XPO5: variants seen among roughly 807,000 people sequenced by gnomAD.
XPO5 encodes the protein exportin-5.
XPO5 carries 46 observed loss-of-function variants against 160.6 expected under a neutral mutation model. The ratio of observed to expected loss-of-function variants is 0.29; its 90% CI spans 0.23 to 0.37. The LOEUF (loss-of-function observed/expected upper bound fraction) is 0.37, where lower values mean the gene tolerates loss of function less well. XPO5 is among the 10% of genes least tolerant of loss of function. The pLI is 1.00. For synonymous variants in XPO5, 537 were observed against 519.3 expected, an observed-to-expected ratio of 1.03 and a Z score of -0.46; for missense variants, 1,090 against 1,463.9, an observed-to-expected ratio of 0.74 and a Z score of 4.17.
At chr6:43,545,018 ATG>A (rs1794896296) in intron 20 of XPO5, among the ~76,000 whole-genome samples, 1 of 152,038 alleles carries the variant, frequency 6.6e-6, no homozygotes, top group Non-Finnish European at 1.5e-5. Flanking sequence ...GATTACAGGC[ATG>A]TGCCACCATG....
chr6:43,524,792 A>G (rs1257259586), intron 30 of XPO5, 39 bp downstream of exon 30: 4 of 1,588,474 alleles, frequency 2.5e-6, no homozygotes, highest in Non-Finnish European at 3.4e-6. Context: ...CTGAGTGATG[A>G]AGCTGCAGCC....
intron 24 of XPO5, 103 bp from the exon 25 acceptor site, chr6:43,528,308 A>T (rs1222045860): frequency 8.2e-7 from 1 of 1,215,308 alleles, no homozygotes; most frequent in African/African-American, 1.5e-5. Context: ...GCCAAGGATG[A>T]TTCTAGGCAT....
At chr6:43,526,770 C>T (rs1282077748) in intron 26 of XPO5, 23 bp from the exon 27 acceptor site, 2 of 1,611,584 alleles carry the variant, frequency 1.2e-6, no homozygotes, top group Non-Finnish European at 1.7e-6. Context: ...AGCAGGGTTA[C>T]TAGGTGAAGG....
intron 20 of XPO5, among the ~76,000 whole-genome samples, chr6:43,543,807 G>C (rs1353218813): frequency 1.3e-5 from 2 of 151,942 alleles, no homozygotes; most frequent in African/African-American, 2.4e-5. Flanking sequence ...CTCCCGAGTA[G>C]CTGGGATTAC....
Position 43,575,870 on chromosome 6 carries a change from G to C in XPO5, c.-6C>G. 1 of 1,613,358 alleles carries C rather than the reference G, an allele frequency of 6.2e-7. No individual in the cohort carries two copies. Among genetic ancestry groups the C allele is most frequent in the East Asian group, 2.2e-5 (1 of 44,834 alleles). ...TTTACTTGATCCATCGCCATGCCTA[G>C]CGCCACGCGCCGAGAGCGCACACCA... On this transcript the variant is annotated 5_prime_UTR_variant, in exon 1 of 32. Transcript: ENST00000265351.
At chr6:43,548,617 G>C in intron 17 of XPO5, 157 bp from the exon 18 acceptor site, 1 of 605,230 alleles carries the variant, frequency 1.7e-6, no homozygotes, top group Non-Finnish European at 2.5e-6. Flanking sequence ...TCTTTATTTT[G>C]CCTAAATAAG....
intron 26 of XPO5, 111 bp downstream of exon 26, chr6:43,527,523 C>T (rs928680283): frequency 3.4e-5 from 37 of 1,072,680 alleles, no homozygotes; most frequent in East Asian, 1.5e-4. Flanking sequence ...CCACCATGCC[C>T]GCCGCAAACA....
At chr6:43,540,223 C>T (rs958569882) in intron 20 of XPO5, among the ~76,000 whole-genome samples, 5 of 152,166 alleles carry the variant, frequency 3.3e-5, no homozygotes, top group African/African-American at 1.2e-4. Context: ...AACCCTGTCT[C>T]TACTGAAGAT....
intron 1 of XPO5, among the ~76,000 whole-genome samples, chr6:43,575,504 G>A (rs2127761141): frequency 6.6e-6 from 1 of 152,312 alleles, no homozygotes; most frequent in South Asian, 2.1e-4. Context: ...GGGAGGAGAG[G>A]GCTGTGGGAA....
At position 43,530,733 on chromosome 6, in the gene XPO5, C is replaced by G; in HGVS notation, c.2632G>C (p.Val878Leu). 6.2e-7 allele frequency: 1 copy of G among 1,613,870 alleles called. No individual in the cohort carries two copies. The highest frequency in any genetic ancestry group is 8.5e-7 in the Non-Finnish European group (1 of 1,179,876). The change falls in exon 23 of 32, where the codon GTC becomes CTC. Residue 878 changes from valine (V) to leucine (L), a missense_variant. Coordinates refer to ENST00000265351, the MANE Select transcript of XPO5 (RefSeq NM_020750.3). ...LATQLLSSAF[V>L]NLNNIPDYRL... is the part of the protein sequence containing the mutation. ...TAGTCAGGAATATTGTTCAAGTTGA[C>G]AAAGGCTGAGCTGAGAAGCTGGGTA... is the stretch of plus-strand genomic sequence containing the variant.
rs540558885 is a variant in XPO5, at chr6:43,548,155, C to T, written c.2060+106G>A. 20 of 1,087,616 alleles carry T rather than the reference C, an allele frequency of 1.8e-5. No homozygotes were observed. In the East Asian group the frequency reaches 4.4e-4, roughly 24 times the overall value. 67.4% of individuals were successfully genotyped at this position (1,087,616 alleles called of 1,614,324 possible). A position where few individuals can be genotyped will look rare whatever the true frequency, so the allele number is the denominator to read the frequency against. On this transcript the variant is annotated intron_variant, in intron 18 of 31. Coordinates refer to ENST00000265351, the MANE Select transcript of XPO5 (RefSeq NM_020750.3). ...AGAACTTCAGATATCATGGATAATG[C>T]CATCACACTTCAATATCCTTAACCC...
intron 20 of XPO5, among the ~76,000 whole-genome samples, chr6:43,534,552 G>A (rs1246500515): frequency 6.6e-6 from 1 of 152,208 alleles, no homozygotes; most frequent in Non-Finnish European, 1.5e-5. Flanking sequence ...AGCAAGGACT[G>A]TGAACTTGAT....
rs1292048610 is a variant in XPO5 at position 43,522,666 on chromosome 6, C to T, written c.*1202G>A. 4.2e-6 allele frequency: 2 copies of T among 472,308 alleles called. No individual in the cohort carries two copies. The highest frequency in any genetic ancestry group is 6.3e-5 in the East Asian group (1 of 15,994). The allele number at this position is 472,308 out of a possible 1,614,324, so 29.3% of individuals were successfully genotyped here. The stretch of plus-strand genomic sequence containing the variant: ...ATCTGACCCTGCCTGTGGCCCGCAC[C>T]AGCTAAAAACTGTAGCTTCAGTCCA... On this transcript the variant is annotated 3_prime_UTR_variant, in exon 32 of 32. Transcript: ENST00000265351.
intron 20 of XPO5, among the ~76,000 whole-genome samples, chr6:43,535,439 A>G (rs1794255739): frequency 6.6e-6 from 1 of 151,948 alleles, no homozygotes; most frequent in Non-Finnish European, 1.5e-5. Flanking sequence ...AAAATATAAA[A>G]ATTAGCCAGG....
chr6:43,571,031 A>T (rs1205905920), intron 3 of XPO5, 37 bp from the exon 4 acceptor site: 1 of 1,581,018 alleles, frequency 6.3e-7, no homozygotes. Context: ...GATATGCAAG[A>T]CTGGATTCCA....
rs111466474 is a variant in XPO5, at chr6:43,554,575, C to T, written c.1442-1072G>A. Reference sequence around the variant, plus strand: ...GAGTAGCTAGGATTAAAGGGGCCCACCACCACGCCTGGCTAATTTTTTGTT... The same window carrying T: ...GAGTAGCTAGGATTAAAGGGGCCCATCACCACGCCTGGCTAATTTTTTGTT... On this transcript the variant is annotated intron_variant, in intron 13 of 31. Coordinates refer to ENST00000265351, the MANE Select transcript of XPO5 (RefSeq NM_020750.3). Among the ~76,000 whole-genome samples the T allele has an allele frequency of 5.5e-3, 834 of 152,136 alleles. 9 individuals are homozygous for T. The highest frequency in any genetic ancestry group is 0.019 in the African/African-American group (774 of 41,496).
At chr6:43,560,122 A>G (rs1762339093) in intron 11 of XPO5, 56 bp downstream of exon 11, 45 of 1,573,618 alleles carry the variant, frequency 2.9e-5, no homozygotes, top group Non-Finnish European at 3.4e-5. Context: ...CCCAGCCTCA[A>G]AGTCTTATTA....
chr6:43,573,814 T>C (rs1243891356), intron 1 of XPO5, among the ~76,000 whole-genome samples: 4 of 117,054 alleles, frequency 3.4e-5, no homozygotes, highest in Non-Finnish European at 3.4e-5. Context: ...AATATATATA[T>C]ATATATATAT....
At position 43,573,618 on chromosome 6, in the gene XPO5, T is replaced by G. The variant is rs1561889200; in HGVS notation, c.106-17A>C. The G allele has an allele frequency of 2.5e-6, 4 of 1,608,100 alleles. No homozygotes were observed. In the South Asian group the frequency reaches 3.3e-5, roughly 13 times the overall value. ...CTCACAAAACTGAAAGAAGAAAAGT[T>G]AGTGTTTCCTTTCGAGGGCTGAGAG... On this transcript the variant is annotated splice_polypyrimidine_tract_variant and intron_variant, in intron 1 of 31. Transcript: ENST00000265351.
Sources: gnomAD v4.1 joint callset for allele counts (sites outside exome capture counted in the v4.1 genomes callset) on GRCh38, gnomAD v4.1.1 for gene constraint, MANE v1.5 for transcripts, NCBI Gene and HGNC (gene_info 2026-07-23, HGNC 2026-07-21) for gene names.